The following SMARCA1 variants were observed in gnomAD, a reference collection of about 807,000 sequenced individuals.
SMARCA1 encodes the protein SWI/SNF-related matrix-associated actin-dependent regulator of chromatin subfamily A member 1.
SMARCA1 carries 17 observed loss-of-function variants against 93.6 expected under a neutral mutation model. The ratio of observed to expected loss-of-function variants is 0.18; its 90% CI spans 0.12 to 0.27. The LOEUF (loss-of-function observed/expected upper bound fraction) is 0.27, where lower values mean the gene tolerates loss of function less well. Among genes scored for constraint, SMARCA1 ranks in the 10% least tolerant of loss-of-function variants. The pLI is 1.00. For synonymous variants in SMARCA1, 271 were observed against 271.4 expected (o/e 1.00, Z 0.01); for missense variants, 630 against 819.0 (o/e 0.77, Z 2.82).
intron 12 of SMARCA1, among the ~76,000 whole-genome samples, chrX:129,495,208 G>A (rs1569442129): frequency 8.9e-6 from 1 of 112,964 alleles, no homozygotes; most frequent in Non-Finnish European, 1.9e-5. Context: ...TCCAACCACT[G>A]TAATCCTGAA....
intron 19 of SMARCA1, among the ~76,000 whole-genome samples, chrX:129,479,528 C>T (rs1933545603): frequency 9.1e-6 from 1 of 109,998 alleles, no homozygotes; most frequent in East Asian, 2.8e-4. Flanking sequence ...TTTCTAGGCA[C>T]ATTCCAGCTA....
intron 6 of SMARCA1, among the ~76,000 whole-genome samples, chrX:129,511,363 G>GGA (rs2124333742): frequency 8.9e-6 from 1 of 112,017 alleles, no homozygotes; most frequent in Admixed American, 9.5e-5. Context: ...ACATGCATAT[G>GGA]CGTGTGTGTA....
intron 1 of SMARCA1, among the ~76,000 whole-genome samples, chrX:129,519,533 T>C (rs1935317170): frequency 8.9e-6 from 1 of 111,783 alleles, no homozygotes. Context: ...AAAATTTCTA[T>C]TTTGAGGAAA....
At chrX:129,478,881 G>A (rs1011565501) in intron 19 of SMARCA1, among the ~76,000 whole-genome samples, 9 of 111,748 alleles carry the variant, frequency 8.1e-5, no homozygotes, top group African/African-American at 2.6e-4. Flanking sequence ...GGGTTACATC[G>A]CATGCAGAAA....
intron 23 of SMARCA1, among the ~76,000 whole-genome samples, chrX:129,461,329 T>A (rs1488310404): frequency 8.9e-6 from 1 of 112,025 alleles, no homozygotes; most frequent in Non-Finnish European, 1.9e-5. Context: ...AAATGTTCCT[T>A]ATTTCAGAGA....
intron 16 of SMARCA1, among the ~76,000 whole-genome samples, chrX:129,488,228 T>C (rs1327811561): frequency 9.4e-6 from 1 of 106,788 alleles, no homozygotes; most frequent in Admixed American, 1.0e-4. Flanking sequence ...TTTCATGAAA[T>C]GTTTTATAAA....
At chrX:129,482,847 G>A (rs969286843) in intron 17 of SMARCA1, among the ~76,000 whole-genome samples, 6 of 111,287 alleles carry the variant, frequency 5.4e-5, no homozygotes, top group African/African-American at 1.6e-4. Flanking sequence ...ATAAAAGGGG[G>A]CATTAATCCA....
intron 8 of SMARCA1, 64 bp from the exon 9 acceptor site, chrX:129,504,866 A>C (rs1196569188): frequency 1.5e-6 from 1 of 682,017 alleles, no homozygotes; most frequent in Non-Finnish European, 2.3e-6. Flanking sequence ...GATATTCTGT[A>C]GATTCTTATA....
At chrX:129,498,797 A>G (rs1207654057) in intron 10 of SMARCA1, among the ~76,000 whole-genome samples, 1 of 111,831 alleles carries the variant, frequency 8.9e-6, no homozygotes, top group Non-Finnish European at 1.9e-5. Context: ...TAGTAAAGAA[A>G]TCATATATTT....
intron 17 of SMARCA1, among the ~76,000 whole-genome samples, chrX:129,485,704 T>G (rs1438358919): frequency 9.0e-6 from 1 of 111,702 alleles, no homozygotes; most frequent in African/African-American, 3.3e-5. Flanking sequence ...AGATCTCTCA[T>G]GAAGGGCTTG....
At position 129,468,925 on chromosome X, in the gene SMARCA1, C is replaced by T. The variant is rs180919404; in HGVS notation, c.2566-20G>A. 324 of 1,124,826 alleles carry T rather than the reference C, an allele frequency of 2.9e-4. No homozygotes were observed. The highest frequency in any genetic ancestry group is 6.4e-4 in the Admixed American group (27 of 42,390). The allele number at this position is 1,124,826 out of a possible 1,213,427, so 92.7% of individuals were successfully genotyped here. A position where few individuals can be genotyped will look rare whatever the true frequency, so the allele number is the denominator to read the frequency against. ...GAAACCCTGTGAACAAAAAGTTAAG[C>T]ATTATCAATAGAGGTTAAATTAATA... is the stretch of plus-strand genomic sequence containing the variant. On this transcript the variant is annotated intron_variant, in intron 20 of 24. Transcript: ENST00000371121.
rs145345426 is a variant in SMARCA1, at chrX:129,462,214, T to C, written c.3030+3306A>G. ...TTAGTAAGCTAAGTTCAATCATTAG[T>C]AAGATTTTCATTTGAACACAGTGAC... is the stretch of plus-strand genomic sequence containing the variant. On this transcript the variant is annotated intron_variant, in intron 23 of 24. Coordinates refer to ENST00000371121, the MANE Select transcript of SMARCA1 (RefSeq NM_001282874.2). Among the ~76,000 whole-genome samples, 1,007 of 112,420 alleles carry C rather than the reference T, an allele frequency of 9.0e-3. 7 individuals are homozygous for C. The highest frequency in any genetic ancestry group is 0.031 in the African/African-American group (960 of 31,051).
chrX:129,517,689 G>GA (rs945097759), intron 2 of SMARCA1, among the ~76,000 whole-genome samples: 29 of 107,278 alleles, frequency 2.7e-4, no homozygotes, highest in Admixed American at 2.0e-3. Context: ...CCCCTCAGAG[G>GA]AAAAAAAAAT....
intron 10 of SMARCA1, among the ~76,000 whole-genome samples, chrX:129,499,300 C>A (rs1273268710): frequency 8.9e-6 from 1 of 111,806 alleles, no homozygotes; most frequent in African/African-American, 3.2e-5. Context: ...CCTTGGCCTC[C>A]CAAAGTGCTG....
chrX:129,461,830 T>A (rs1366619145), intron 23 of SMARCA1, among the ~76,000 whole-genome samples: 1 of 111,953 alleles, frequency 8.9e-6, no homozygotes, highest in Non-Finnish European at 1.9e-5. Context: ...TAGAGACTGA[T>A]TACTTACTTA....
Position 129,489,064 on chromosome X carries a change from G to A in SMARCA1, c.1970C>T (p.Ser657Phe). 3 of 1,189,988 alleles carry A rather than the reference G, an allele frequency of 2.5e-6. No homozygotes were observed. The highest frequency in any genetic ancestry group is 3.4e-6 in the Non-Finnish European group (3 of 877,545). ...CATTTCCTCTTTTGCCAGCTTGTTA[G>A]ACTGTTGGTCAATGAGTCTTCCTAA... is the stretch of plus-strand genomic sequence containing the variant. ...IQQGRLIDQQ[S>F]NKLAKEEMLQ... The change falls in exon 16 of 25, where the codon TCT becomes TTT. Residue 657 changes from serine to phenylalanine, a missense_variant. Around this residue, in one of 4 missense-constraint regions of SMARCA1, gnomAD observed 382 missense variants for 537.9 expected, o/e 0.71. Coordinates refer to ENST00000371121, the MANE Select transcript of SMARCA1 (RefSeq NM_001282874.2).
chrX:129,495,806 G>T (rs1383452214), intron 12 of SMARCA1, among the ~76,000 whole-genome samples: 5 of 101,600 alleles, frequency 4.9e-5, no homozygotes, highest in Non-Finnish European at 2.0e-5. Context: ...GTCTCATTAT[G>T]TCACCCAGGC....
rs1200644579 is a variant in SMARCA1 at position 129,448,431 on chromosome X, G to A, written c.3043C>T (p.Arg1015Cys). ...KSRTAMEFQR[R>C]CNTLISLIEK... ...ATCAATGAAATCAGAGTGTTACAGC[G>A]TCTCTGGAATTCCTAAATGAAGTAA... Residue 1015 changes from arginine to cysteine, a missense_variant, in exon 24 of 25, where the codon CGC becomes TGC. By Grantham distance (180) the Arg-to-Cys change is radical (BLOSUM62 -3). This residue lies in a region of SMARCA1 where 93 missense variants were observed against 160.8 expected (regional missense o/e 0.58). Coordinates refer to ENST00000371121, the MANE Select transcript of SMARCA1 (RefSeq NM_001282874.2). 8.4e-7 allele frequency: 1 copy of A among 1,190,362 alleles called. No individual in the cohort carries two copies.
chrX:129,479,843 G>A lies in SMARCA1; in HGVS notation c.2442+858C>T, dbSNP rs1312968774. 2.7e-5 allele frequency among the ~76,000 whole-genome samples: 3 copies of A among 110,251 alleles called. No homozygotes were observed. In the Admixed American group the frequency reaches 2.9e-4, roughly 11 times the overall value. On this transcript the variant is annotated intron_variant, in intron 19 of 24. Transcript: ENST00000371121. The stretch of plus-strand genomic sequence containing the variant: ...CTCCCGAGTAGCTGGGATTATAGGC[G>A]CTTGCCACCGCACCCAGCTAATTTT...
Sources: gnomAD v4.1 joint callset for allele counts (sites outside exome capture counted in the v4.1 genomes callset) on GRCh38, gnomAD v4.1.1 for gene constraint, gnomAD v4.1.1 regional missense constraint, MANE v1.5 for transcripts, NCBI Gene and HGNC (gene_info 2026-07-23, HGNC 2026-07-21) for gene names.